FER: variants seen among roughly 807,000 people sequenced by gnomAD.
The protein encoded by FER is FER tyrosine kinase.
Under a neutral mutation model 111.0 loss-of-function variants are expected in FER, and 63 were observed. That is an observed-to-expected ratio of 0.57 (90% confidence interval 0.46 to 0.70). FER has a LOEUF of 0.70. Ranked by LOEUF, FER falls within the 30% of genes least tolerant of loss-of-function variation. The pLI is 0.00. For synonymous variants in FER, 327 were observed against 313.9 expected (o/e 1.04, Z -0.44); for missense variants, 914 against 954.0 (o/e 0.96, Z 0.55).
At chr5:108,789,028 C>G (rs13171006) in intron 2 of FER, among the ~76,000 whole-genome samples, 65,981 of 151,948 alleles carry the variant, frequency 0.43, 16,325 homozygotes, top group African/African-American at 0.68. Context: ...CTTATTAGCT[C>G]CCAAATCAAA....
At chr5:108,821,563 G>A (rs1165370189) in intron 3 of FER, among the ~76,000 whole-genome samples, 2 of 151,916 alleles carry the variant, frequency 1.3e-5, no homozygotes, top group African/African-American at 4.8e-5. Flanking sequence ...TTGTGCTTGG[G>A]TTCATTGAGC....
rs1759721513 is a variant in FER at position 109,196,023 on chromosome 5, A to ATGG, written c.*8448_*8449insTGG. On this transcript the variant is annotated 3_prime_UTR_variant, in exon 20 of 20. Coordinates refer to ENST00000281092, the MANE Select transcript of FER (RefSeq NM_005246.4). The stretch of plus-strand genomic sequence containing the variant: ...GAACACTGTATAAAGTCATAGACAT[A>ATGG]GAACCATATGGGAAAGCCCAGATGA... The ATGG allele has an allele frequency of 6.6e-6, 1 of 152,212 alleles. No individual in the cohort carries two copies. Among genetic ancestry groups the ATGG allele is most frequent in the Non-Finnish European group, 1.5e-5 (1 of 68,042 alleles). The allele number at this position is 152,212 out of a possible 1,614,324, so 9.4% of individuals were successfully genotyped here.
chr5:108,798,312 T>A lies in FER; in HGVS notation c.130T>A (p.Ser44Thr). 1 of 1,613,942 alleles carries A rather than the reference T, an allele frequency of 6.2e-7. No individual in the cohort carries two copies. Among genetic ancestry groups the A allele is most frequent in the Non-Finnish European group, 8.5e-7 (1 of 1,179,844 alleles). ...LRIKSDKEYA[S>T]TLQNLCNQVD... ...AATAAAAAGTGATAAAGAATATGCA[T>A]CTACTTTACAGAACCTTTGTAATCA... is the stretch of plus-strand genomic sequence containing the variant. Residue 44 changes from serine to threonine, a missense_variant, in exon 3 of 20, where the codon TCT (serine) becomes ACT (threonine). Transcript: ENST00000281092.
At chr5:109,117,463 A>G (rs950343209) in intron 17 of FER, among the ~76,000 whole-genome samples, 13 of 152,286 alleles carry the variant, frequency 8.5e-5, no homozygotes, top group African/African-American at 3.1e-4. Flanking sequence ...ATGTAAAATA[A>G]GGCTTCTGGA....
At chr5:108,825,860 G>T (rs1462028815) in intron 3 of FER, among the ~76,000 whole-genome samples, 1 of 152,126 alleles carries the variant, frequency 6.6e-6, no homozygotes, top group Non-Finnish European at 1.5e-5. Context: ...CTGACTTCCC[G>T]CAACACAAGA....
At chr5:108,825,107 C>T (rs568325185) in intron 3 of FER, among the ~76,000 whole-genome samples, 3 of 152,152 alleles carry the variant, frequency 2.0e-5, no homozygotes, top group Admixed American at 6.5e-5. Flanking sequence ...AGGACGGAGG[C>T]GAAATTAAAA....
chr5:109,057,140 T>G (rs1773758777), intron 16 of FER, among the ~76,000 whole-genome samples: 1 of 152,202 alleles, frequency 6.6e-6, no homozygotes. Flanking sequence ...TATGGGACTC[T>G]TCATCTTTTG....
chr5:109,129,740 A>G (rs1281143370), intron 17 of FER, among the ~76,000 whole-genome samples: 4 of 152,078 alleles, frequency 2.6e-5, no homozygotes, highest in African/African-American at 9.6e-5. Flanking sequence ...TTCGTATAGG[A>G]ATTATTGAAA....
intron 15 of FER, among the ~76,000 whole-genome samples, chr5:109,046,144 G>T (rs563957366): frequency 6.4e-4 from 97 of 152,176 alleles, no homozygotes; most frequent in African/African-American, 2.3e-3. Context: ...TGCTTCAGCT[G>T]AAGTCTCTGT....
intron 8 of FER, among the ~76,000 whole-genome samples, chr5:108,878,332 C>T (rs6872127): frequency 0.3 from 44,876 of 151,884 alleles, 6,942 homozygotes; most frequent in African/African-American, 0.35. Flanking sequence ...TTCTTCTTTT[C>T]GTCGACCACC....
chr5:108,983,183 T>C (rs1762191064), intron 13 of FER, among the ~76,000 whole-genome samples: 1 of 152,030 alleles, frequency 6.6e-6, no homozygotes, highest in Non-Finnish European at 1.5e-5. Flanking sequence ...AGGAACAATT[T>C]TGGACATAAT....
At chr5:108,764,952 TC>T (rs1238655927) in intron 1 of FER, among the ~76,000 whole-genome samples, 2 of 152,134 alleles carry the variant, frequency 1.3e-5, no homozygotes, top group Admixed American at 6.5e-5. Flanking sequence ...CCTGAGAGTA[TC>T]TCCTTAAATT....
chr5:108,756,171 A>AGT lies in FER; in HGVS notation c.-206+8171_-206+8172insGT, dbSNP rs1432270964. Reference sequence around the variant, plus strand: ...AACTCCATCTCAAAAAAAAAAAAAAAAATAATAATAATAAATACAATAAAA... The same window carrying AGT: ...AACTCCATCTCAAAAAAAAAAAAAAAGTAATAATAATAATAAATACAATAAAA... On this transcript the variant is annotated intron_variant, in intron 1 of 19. Transcript: ENST00000281092. Among the ~76,000 whole-genome samples, 7 of 142,940 alleles carry AGT rather than the reference A, an allele frequency of 4.9e-5. No individual in the cohort carries two copies. The South Asian group carries it at 1.3e-3, about 27-fold the overall frequency. 93.8% of individuals were successfully genotyped at this position (142,940 alleles called of 152,430 possible). A position where few individuals can be genotyped will look rare whatever the true frequency, so the allele number is the denominator to read the frequency against.
intron 2 of FER, among the ~76,000 whole-genome samples, chr5:108,789,965 G>T (rs770128106): frequency 4.6e-5 from 7 of 152,124 alleles, no homozygotes; most frequent in Non-Finnish European, 1.0e-4. Context: ...TTTAGAAACA[G>T]AAGTGATATT....
chr5:109,041,092 A>C (rs1347594850), intron 14 of FER, among the ~76,000 whole-genome samples: 1 of 152,184 alleles, frequency 6.6e-6, no homozygotes, highest in Non-Finnish European at 1.5e-5. Flanking sequence ...GAATGGTCTA[A>C]AGAAATATAA....
intron 10 of FER, among the ~76,000 whole-genome samples, chr5:108,921,636 T>C (rs1753029470): frequency 6.6e-6 from 1 of 152,186 alleles, no homozygotes; most frequent in Non-Finnish European, 1.5e-5. Context: ...TAGAGTCTTT[T>C]TTTATGAAGG....
intron 16 of FER, among the ~76,000 whole-genome samples, chr5:109,097,805 A>G (rs1033972028): frequency 6.6e-6 from 1 of 151,686 alleles, no homozygotes. Flanking sequence ...CAGGGTTCTT[A>G]ATACTTGTAC....
chr5:108,911,733 CTG>C (rs1751578903), intron 10 of FER, among the ~76,000 whole-genome samples: 1 of 152,098 alleles, frequency 6.6e-6, no homozygotes, highest in South Asian at 2.1e-4. Flanking sequence ...CCTTTCCTCA[CTG>C]TTTATTTTTG....
intron 3 of FER, among the ~76,000 whole-genome samples, chr5:108,799,800 C>T (rs1017982554): frequency 6.6e-6 from 1 of 151,096 alleles, no homozygotes; most frequent in Non-Finnish European, 1.5e-5. Context: ...GTTTCTGAGT[C>T]CAAAGGCTTT....
Sources: allele counts gnomAD v4.1 joint callset (sites outside exome capture counted in the v4.1 genomes callset), GRCh38; gene constraint gnomAD v4.1.1; transcripts MANE v1.5; gene names NCBI Gene and HGNC (gene_info 2026-07-23, HGNC 2026-07-21).